MAPK8IP2: variants seen among roughly 807,000 people sequenced by gnomAD.
The protein encoded by MAPK8IP2 is C-Jun-amino-terminal kinase-interacting protein 2.
MAPK8IP2 carries 15 observed loss-of-function variants against 75.6 expected under a neutral mutation model. The ratio of observed to expected loss-of-function variants is 0.20; its 90% CI spans 0.13 to 0.31. The LOEUF (loss-of-function observed/expected upper bound fraction) is 0.31, where lower values mean the gene tolerates loss of function less well. MAPK8IP2 is among the 10% of genes least tolerant of loss of function. MAPK8IP2 has a pLI of 1.00. For missense variants in MAPK8IP2, 1,089 were observed against 1,211.2 expected, an observed-to-expected ratio of 0.90 and a Z score of 1.50; for synonymous variants, 632 against 554.5, an observed-to-expected ratio of 1.14 and a Z score of -1.96.
At chr22:50,602,302 CTT>C (rs768619771) in intron 2 of MAPK8IP2, among the ~76,000 whole-genome samples, 1 of 152,262 alleles carries the variant, frequency 6.6e-6, no homozygotes, top group Non-Finnish European at 1.5e-5. Flanking sequence ...CTGCTGAAAT[CTT>C]TTCTCGTCCA....
In MAPK8IP2 at chr22:50,604,792, C is replaced by A; in HGVS notation, c.1493C>A (p.Ala498Glu). 1 of 1,547,120 alleles carries A rather than the reference C, an allele frequency of 6.5e-7. No homozygotes were observed. Among genetic ancestry groups the A allele is most frequent in the Non-Finnish European group, 8.7e-7 (1 of 1,146,958 alleles). ...GGGGGCAGGGGCACGGGCCCCTCGG[C>A]GCCGCGGGACGCGTCGCTGGTGTAC... ...SPGGRGTGPS[A>E]PRDASLVYDA... The change falls in exon 5 of 12, where the codon GCG becomes GAG. Residue 498 changes from alanine (A) to glutamate (E), a missense_variant. Ala to Glu is a moderately radical substitution (Grantham distance 107). Coordinates refer to ENST00000329492, the MANE Select transcript of MAPK8IP2 (RefSeq NM_012324.6).
chr22:50,603,039 C>A lies in MAPK8IP2; in HGVS notation c.172-184C>A. 3 of 1,313,812 alleles carry A rather than the reference C, an allele frequency of 2.3e-6. No individual in the cohort carries two copies. In the East Asian group the frequency reaches 7.4e-5, roughly 32 times the overall value. 81.4% of individuals were successfully genotyped at this position (1,313,812 alleles called of 1,614,324 possible). On this transcript the variant is annotated intron_variant, in intron 2 of 11. Coordinates refer to ENST00000329492, the MANE Select transcript of MAPK8IP2 (RefSeq NM_012324.6). ...GTAGAGTTTAGGCCCTTCCCAAGAACTGGAGTGATCCCAATGTGTGTTAGG... is the reference window on the plus strand; with the variant it reads ...GTAGAGTTTAGGCCCTTCCCAAGAAATGGAGTGATCCCAATGTGTGTTAGG...
In MAPK8IP2 at chr22:50,610,155, G is replaced by A; in HGVS notation, c.2304-57G>A. The A allele has an allele frequency of 7.7e-7, 1 of 1,291,880 alleles. No individual in the cohort carries two copies. The highest frequency in any genetic ancestry group is 1.1e-6 in the Non-Finnish European group (1 of 907,896). The allele number at this position is 1,291,880 out of a possible 1,614,324, so 80.0% of individuals were successfully genotyped here. ...GCCTCTTCTCTCTACATCATTTGTG[G>A]GGTGGCCAAGGCTGGGCCAGGGCTC... On this transcript the variant is annotated intron_variant, in intron 10 of 11. Transcript: ENST00000329492. The surrounding 1 kb of genome is among the most constrained non-coding windows in gnomAD (Gnocchi z 4.3).
chr22:50,604,444 A>T lies in MAPK8IP2; in HGVS notation c.1145A>T (p.Glu382Val), dbSNP rs2071004774. Residue 382 changes from glutamate (E) to valine (V), a missense_variant, in exon 5 of 12, where the codon GAG (glutamate) becomes GTG (valine). By Grantham distance (121) the Glu-to-Val change is moderately radical. Around this residue, in one of 2 missense-constraint regions of MAPK8IP2, gnomAD observed 960 missense variants for 1,009.6 expected, o/e 0.95. Transcript: ENST00000329492. ...TCTCCTGCGCCGCGCCCGCCCGGGG[A>T]GCCCGTGTCGCCGGCCGGCGGGGCC... Reference protein sequence around the residue: ...CLSPAPRPPGEPVSPAGGAAQ... With the variant: ...CLSPAPRPPGVPVSPAGGAAQ... The T allele has an allele frequency of 7.2e-7, 1 of 1,395,786 alleles. No homozygotes were observed. The allele number at this position is 1,395,786 out of a possible 1,614,324, so 86.5% of individuals were successfully genotyped here.
chr22:50,608,774 G>A (rs1001632949), intron 10 of MAPK8IP2, among the ~76,000 whole-genome samples: 11 of 138,338 alleles, frequency 8.0e-5, no homozygotes, highest in Non-Finnish European at 1.1e-4. Flanking sequence ...GACAGCGGAC[G>A]GGGCGCAGAC....
chr22:50,604,985 C>T lies in MAPK8IP2; in HGVS notation c.1686C>T (p.Asp562=). ...ALLGGGQVSG[D]TSPDSPDLTF... is the part of the protein sequence containing the mutation. ...TAGGCGGCGGTCAGGTCTCGGGGGA[C>T]ACCTCGCCGGACAGCCCTGACCTCA... The change falls in exon 5 of 12, where the codon GAC becomes GAT. Residue 562 remains aspartate (D), a synonymous_variant. Transcript: ENST00000329492. The T allele has an allele frequency of 6.2e-7, 1 of 1,612,414 alleles. No individual in the cohort carries two copies. The highest frequency in any genetic ancestry group is 8.5e-7 in the Non-Finnish European group (1 of 1,179,802).
At position 50,604,224 on chromosome 22, in the gene MAPK8IP2, C is replaced by T; in HGVS notation, c.925C>T (p.Pro309Ser). ...CTCGTCGCCCGCCTCGGAGCCGGAG[C>T]CCCCGCGCGAACCCCCGCGCCGCCC... ...EASSPASEPE[P>S]PREPPRRPAF... Residue 309 changes from proline (P) to serine (S), a missense_variant, in exon 5 of 12, where the codon CCC (proline) becomes TCC (serine). Transcript: ENST00000329492. 1.3e-6 allele frequency: 2 copies of T among 1,556,248 alleles called. No individual in the cohort carries two copies. Among genetic ancestry groups the T allele is most frequent in the African/African-American group, 1.4e-5 (1 of 73,700 alleles).
In MAPK8IP2 at chr22:50,610,880, G is replaced by A; in HGVS notation, c.*101G>A. 1 of 1,022,362 alleles carries A rather than the reference G, an allele frequency of 9.8e-7. No individual in the cohort carries two copies. Among genetic ancestry groups the A allele is most frequent in the Non-Finnish European group, 1.4e-6 (1 of 695,164 alleles). 63.3% of individuals were successfully genotyped at this position (1,022,362 alleles called of 1,614,324 possible). On this transcript the variant is annotated 3_prime_UTR_variant, in exon 12 of 12. Coordinates refer to ENST00000329492, the MANE Select transcript of MAPK8IP2 (RefSeq NM_012324.6). The surrounding 1 kb of genome is among the most constrained non-coding windows in gnomAD (Gnocchi z 4.3). ...GGCTTTGGCAAGGACTGGATTGGGG[G>A]GACATGGGACCTTACGCTTGTGGGG...
chr22:50,609,647 C>T, intron 10 of MAPK8IP2: 1 of 424,310 alleles, frequency 2.4e-6, no homozygotes, highest in Non-Finnish European at 4.8e-6. Flanking sequence ...CCTGCCTCTC[C>T]CTCTGGACGA....
chr22:50,601,825 C>T lies in MAPK8IP2; in HGVS notation c.102C>T (p.Asp34=), dbSNP rs1204769344. 1.9e-6 allele frequency: 3 copies of T among 1,613,748 alleles called. No individual in the cohort carries two copies. The highest frequency in any genetic ancestry group is 1.3e-5 in the African/African-American group (1 of 74,908). ...PQDISLEEFD[D]EDLSEITDDC... ...ACATAAGCCTGGAAGAATTTGACGA[C>T]GAAGATCTGTCTGAGATCACTGATG... Residue 34 remains aspartate, a synonymous_variant, in exon 2 of 12, where the codon GAC becomes GAT. Transcript: ENST00000329492.
At chr22:50,609,649 T>C in intron 10 of MAPK8IP2, 1 of 425,782 alleles carries the variant, frequency 2.3e-6, no homozygotes, top group Non-Finnish European at 4.8e-6. Flanking sequence ...TGCCTCTCCC[T>C]CTGGACGACG....
At chr22:50,601,986 A>G in intron 2 of MAPK8IP2, 92 bp downstream of exon 2, 7 of 1,049,360 alleles carry the variant, frequency 6.7e-6, no homozygotes, top group Non-Finnish European at 1.0e-5. Flanking sequence ...GGTGGGTGTG[A>G]GCTCAGCCTT....
intron 1 of MAPK8IP2, 150 bp from the exon 2 acceptor site, chr22:50,601,639 T>G: frequency 4.9e-6 from 3 of 612,922 alleles, no homozygotes; most frequent in South Asian, 1.9e-5. Flanking sequence ...AGCTTGGGGG[T>G]CAAGATGATG....
At position 50,610,079 on chromosome 22, in the gene MAPK8IP2, T is replaced by G; in HGVS notation, c.2304-133T>G. ...AAGACAACTTCAGATCTTGAAATTG[T>G]GCGACCCCCACACTCCTGTCCCTTA... is the stretch of plus-strand genomic sequence containing the variant. On this transcript the variant is annotated intron_variant, in intron 10 of 11. Coordinates refer to ENST00000329492, the MANE Select transcript of MAPK8IP2 (RefSeq NM_012324.6). This position sits in a 1 kb window ranked among gnomAD's most constrained non-coding sequence, Gnocchi z 4.3. 2.7e-6 allele frequency: 2 copies of G among 735,962 alleles called. No homozygotes were observed. The highest frequency in any genetic ancestry group is 2.0e-5 in the Admixed American group (1 of 49,776). The allele number at this position is 735,962 out of a possible 1,614,324, so 45.6% of individuals were successfully genotyped here.
At position 50,610,723 on chromosome 22, in the gene MAPK8IP2, T is replaced by G. The variant is rs1388505385; in HGVS notation, c.2419T>G (p.Tyr807Asp). Reference protein sequence around the residue: ...AQSVGRAFLEYYQEHLAYACP... With the variant: ...AQSVGRAFLEDYQEHLAYACP... ...TTTCCCCAGCCGCGCCTTCCTGGAG[T>G]ACTACCAAGAGCACCTGGCGTACGC... Residue 807 changes from tyrosine (Y) to aspartate (D), a missense_variant, in exon 12 of 12, where the codon TAC (tyrosine) becomes GAC (aspartate). Transcript: ENST00000329492. The surrounding 1 kb of genome is among the most constrained non-coding windows in gnomAD (Gnocchi z 4.3). The G allele has an allele frequency of 6.2e-7, 1 of 1,608,852 alleles. No homozygotes were observed. Among genetic ancestry groups the G allele is most frequent in the South Asian group, 1.1e-5 (1 of 90,262 alleles).
rs368549679 is a variant in MAPK8IP2 at position 50,610,421 on chromosome 22, G to T, written c.2402+111G>T. 114 of 940,730 alleles carry T rather than the reference G, an allele frequency of 1.2e-4. No individual in the cohort carries two copies. The South Asian group carries it at 1.6e-3, about 13-fold the overall frequency. 58.3% of individuals were successfully genotyped at this position (940,730 alleles called of 1,614,324 possible). On this transcript the variant is annotated intron_variant, in intron 11 of 11. Coordinates refer to ENST00000329492, the MANE Select transcript of MAPK8IP2 (RefSeq NM_012324.6). The surrounding 1 kb of genome is among the most constrained non-coding windows in gnomAD (Gnocchi z 4.3). Reference sequence around the variant, plus strand: ...CTGGCAGGGGAGGTCTGGGGAAGGAGAACCAGATGTGCTGTGTAGAGAGGG... The same window carrying T: ...CTGGCAGGGGAGGTCTGGGGAAGGATAACCAGATGTGCTGTGTAGAGAGGG...
Position 50,603,606 on chromosome 22 carries a change from G to T in MAPK8IP2, c.448-20G>T, listed in dbSNP as rs752176483. ...GGAGCTGGCCCTCCTCAGGACCGCC[G>T]TCATGTATCTCCACCCCAGGACTCC... On this transcript the variant is annotated intron_variant, in intron 3 of 11. Transcript: ENST00000329492. The T allele has an allele frequency of 6.3e-7, 1 of 1,587,898 alleles. No individual in the cohort carries two copies. The highest frequency in any genetic ancestry group is 2.3e-5 in the East Asian group (1 of 43,406).
At position 50,605,512 on chromosome 22, in the gene MAPK8IP2, ACGACCGTCAATCC is replaced by A. The variant is rs532056898; in HGVS notation, c.1842-47_1842-35del. 1.6e-3 allele frequency: 2,533 copies of A among 1,574,452 alleles called. 7 individuals are homozygous for A. Among genetic ancestry groups the A allele is most frequent in the Non-Finnish European group, 1.9e-3 (2,209 of 1,148,362 alleles). On this transcript the variant is annotated intron_variant, in intron 6 of 11. Transcript: ENST00000329492. ...CTGCCATCACGGAACGCCAGTGGAC[ACGACCGTCAATCC>A]CGCCCCCCTCCCCAGTGACCTCTCC...
intron 10 of MAPK8IP2, among the ~76,000 whole-genome samples, chr22:50,608,572 A>G (rs567690754): frequency 7.4e-6 from 1 of 135,530 alleles, no homozygotes; most frequent in Non-Finnish European, 1.6e-5. Flanking sequence ...CAGACCAGAC[A>G]GTGGGGCCAG....
Sources: gnomAD v4.1 joint callset for allele counts (sites outside exome capture counted in the v4.1 genomes callset) on GRCh38, gnomAD v4.1.1 for gene constraint, gnomAD v4.1.1 regional missense constraint, Gnocchi (gnomAD v3.1) non-coding constraint, MANE v1.5 for transcripts, NCBI Gene and HGNC (gene_info 2026-07-23, HGNC 2026-07-21) for gene names.